The following BACH1 variants were observed in gnomAD, a reference collection of about 807,000 sequenced individuals.
BACH1 encodes the protein transcription regulator protein BACH1.
BACH1 carries 35 observed loss-of-function variants against 52.9 expected under a neutral mutation model. The ratio of observed to expected loss-of-function variants is 0.66; its 90% CI spans 0.51 to 0.88. The LOEUF (loss-of-function observed/expected upper bound fraction) is 0.88, where lower values mean the gene tolerates loss of function less well. BACH1 is among the 40% of genes least tolerant of loss of function. The pLI, the probability that BACH1 is intolerant of heterozygous loss-of-function variation, is 0.00. For synonymous variants in BACH1, 321 were observed against 319.6 expected (o/e 1.00, Z -0.05); for missense variants, 808 against 872.6 (o/e 0.93, Z 0.93).
chr21:29,350,014 C>T (rs573987095), downstream of BACH1, among the ~76,000 whole-genome samples: 46 of 152,170 alleles, frequency 3.0e-4, no homozygotes, highest in South Asian at 7.3e-3. Flanking sequence ...CTAAGGAGAC[C>T]AGTTAGGGCT....
intron 4 of BACH1, among the ~76,000 whole-genome samples, chr21:29,334,300 G>A (rs934825524): frequency 1.3e-5 from 2 of 151,768 alleles, no homozygotes; most frequent in Non-Finnish European, 2.9e-5. Context: ...GGGTTTCACT[G>A]TGTTAGCCAG....
At chr21:29,331,994 G>A (rs1035943339) in intron 4 of BACH1, among the ~76,000 whole-genome samples, 3 of 152,062 alleles carry the variant, frequency 2.0e-5, no homozygotes, top group East Asian at 1.9e-4. Flanking sequence ...TCCGCTTCCC[G>A]GGTTCAAGCG....
chr21:29,308,924 A>G (rs778226269), intron 1 of BACH1, among the ~76,000 whole-genome samples: 2 of 152,176 alleles, frequency 1.3e-5, no homozygotes, highest in African/African-American at 4.8e-5. Flanking sequence ...TCAGTGATGC[A>G]TGAGATTGGT....
chr21:29,304,118 GTTTTTTTTTTCTTTT>G (rs949006821), intron 1 of BACH1, among the ~76,000 whole-genome samples: 1 of 146,178 alleles, frequency 6.8e-6, no homozygotes, highest in Admixed American at 6.8e-5. Flanking sequence ...GTTATTCCCA[GTTTTTTTTTTCTTTT>G]TTTTTTTTTT....
At chr21:29,358,855 T>C in intron 2 of BACH1, 1 of 149,416 alleles carries the variant, frequency 6.7e-6, no homozygotes, top group Middle Eastern at 3.2e-3. Context: ...TAGAAAGAAG[T>C]AAAAAATATA....
rs1358065686 is a variant in BACH1 at position 29,327,257 on chromosome 21, T to C, written c.1433T>C (p.Ile478Thr). ...STEGCSSNLE[I>T]GNDDYVSEPQ... ...GAAGGCTGTTCAAGCAATTTGGAAA[T>C]TGGAAACGATGATTATGTTTCAGAA... The change falls in exon 3 of 5, where the codon ATT (isoleucine) becomes ACT (threonine). Residue 478 changes from isoleucine to threonine, a missense_variant. Ile to Thr is a moderately conservative substitution (Grantham distance 89). Transcript: ENST00000286800. 1 of 1,614,038 alleles carries C rather than the reference T, an allele frequency of 6.2e-7. No individual in the cohort carries two copies. The highest frequency in any genetic ancestry group is 1.3e-5 in the African/African-American group (1 of 74,898).
At chr21:29,307,666 G>GTA (rs1226513574) in intron 1 of BACH1, among the ~76,000 whole-genome samples, 4 of 152,088 alleles carry the variant, frequency 2.6e-5, no homozygotes, top group Admixed American at 1.3e-4. Flanking sequence ...AAAAAGCATA[G>GTA]TATATATATA....
intron 3 of BACH1, among the ~76,000 whole-genome samples, chr21:29,328,734 A>G (rs2088945545): frequency 1.3e-5 from 2 of 152,070 alleles, no homozygotes; most frequent in Admixed American, 1.3e-4. Context: ...GGCAACCACC[A>G]TTCTACTCTC....
At chr21:29,324,555 CTT>C (rs2088887516) in intron 2 of BACH1, among the ~76,000 whole-genome samples, 1 of 90,964 alleles carries the variant, frequency 1.1e-5, no homozygotes, top group African/African-American at 3.9e-5. Flanking sequence ...ATGGATGTAC[CTT>C]GTGTGTGTGT....
intron 4 of BACH1, 103 bp from the exon 5 acceptor site, chr21:29,342,296 G>C: frequency 8.7e-7 from 1 of 1,150,000 alleles, no homozygotes; most frequent in South Asian, 1.5e-5. Flanking sequence ...AACTCCATGT[G>C]ATCTTACTTG....
Position 29,343,741 on chromosome 21 carries a change from A to G in BACH1, c.*908A>G, listed in dbSNP as rs979037888. 2.0e-5 allele frequency: 3 copies of G among 152,214 alleles called. No homozygotes were observed. The highest frequency in any genetic ancestry group is 2.4e-5 in the African/African-American group (1 of 41,468). 9.4% of individuals were successfully genotyped at this position (152,214 alleles called of 1,614,324 possible). On this transcript the variant is annotated 3_prime_UTR_variant, in exon 5 of 5. Coordinates refer to ENST00000286800, the MANE Select transcript of BACH1 (RefSeq NM_001186.4). The stretch of plus-strand genomic sequence containing the variant: ...TTCATTTTTCCACCGTGGGTCACCA[A>G]TGCCAGAAAACCAGACATCACGGGG...
chr21:29,325,518 G>A (rs1048534343), intron 2 of BACH1, among the ~76,000 whole-genome samples: 2 of 152,158 alleles, frequency 1.3e-5, no homozygotes, highest in Admixed American at 1.3e-4. Context: ...AACTTTTACT[G>A]TTAGGAATTT....
chr21:29,318,126 C>G (rs558296440), intron 1 of BACH1, among the ~76,000 whole-genome samples: 7 of 152,092 alleles, frequency 4.6e-5, no homozygotes, highest in Admixed American at 1.3e-4. Context: ...AGACTACTTG[C>G]AAGTAATAAG....
At chr21:29,340,470 G>A (rs999309254) in intron 4 of BACH1, among the ~76,000 whole-genome samples, 1 of 152,118 alleles carries the variant, frequency 6.6e-6, no homozygotes, top group African/African-American at 2.4e-5. Flanking sequence ...AAGATCATGT[G>A]GATATTAAGA....
chr21:29,356,603 G>T (rs1171085720), intron 2 of BACH1, among the ~76,000 whole-genome samples: 1 of 152,218 alleles, frequency 6.6e-6, no homozygotes, highest in African/African-American at 2.4e-5. Context: ...TCAGACCTTT[G>T]TATGGTAATT....
At chr21:29,336,787 T>G (rs1375044611) in intron 4 of BACH1, among the ~76,000 whole-genome samples, 1 of 152,134 alleles carries the variant, frequency 6.6e-6, no homozygotes, top group Non-Finnish European at 1.5e-5. Context: ...TTCTCCTGCC[T>G]CAGCCTCCCG....
chr21:29,310,005 G>A (rs958596818), intron 1 of BACH1, among the ~76,000 whole-genome samples: 16 of 151,350 alleles, frequency 1.1e-4, no homozygotes, highest in Admixed American at 9.2e-4. Context: ...CCTATAGCAG[G>A]GTTCTCTCAT....
chr21:29,331,208 C>CT (rs1418860177), intron 4 of BACH1, among the ~76,000 whole-genome samples: 1 of 152,086 alleles, frequency 6.6e-6, no homozygotes, highest in Admixed American at 6.6e-5. Flanking sequence ...GCTTTTTACA[C>CT]TGTTAGGTTA....
chr21:29,323,806 G>A (rs2088876658), intron 2 of BACH1, among the ~76,000 whole-genome samples: 1 of 152,178 alleles, frequency 6.6e-6, no homozygotes. Context: ...ATAACATTTT[G>A]CAAAATTGTA....
Sources: gnomAD v4.1 joint callset for allele counts (sites outside exome capture counted in the v4.1 genomes callset) on GRCh38, gnomAD v4.1.1 for gene constraint, MANE v1.5 for transcripts, NCBI Gene and HGNC (gene_info 2026-07-23, HGNC 2026-07-21) for gene names.